Variants in CDH12 observed in about 807,000 individuals in gnomAD.
The protein encoded by CDH12 is cadherin 12, also known as cadherin-12.
CDH12 carries 41 observed loss-of-function variants against 74.1 expected under a neutral mutation model. The observed-to-expected ratio is 0.55, with a 90% confidence interval of 0.43 to 0.72. The LOEUF (loss-of-function observed/expected upper bound fraction) is 0.72, where lower values mean the gene tolerates loss of function less well. Ranked by LOEUF, CDH12 falls within the 30% of genes least tolerant of loss-of-function variation. CDH12 has a pLI of 0.00. For synonymous variants in CDH12, 399 were observed against 355.0 expected, an observed-to-expected ratio of 1.12 and a Z score of -1.39; for missense variants, 945 against 977.2, an observed-to-expected ratio of 0.97 and a Z score of 0.44.
chr5:22,092,670 T>C (rs1743504520), intron 4 of CDH12, among the ~76,000 whole-genome samples: 3 of 152,146 alleles, frequency 2.0e-5, no homozygotes. Flanking sequence ...TGGAGCTTTT[T>C]TGGATATTAT....
intron 1 of CDH12, among the ~76,000 whole-genome samples, chr5:22,755,783 G>C (rs1745864660): frequency 6.6e-6 from 1 of 151,744 alleles, no homozygotes; most frequent in African/African-American, 2.4e-5. Context: ...ATCTTTTCTT[G>C]GGTATATACT....
intron 5 of CDH12, among the ~76,000 whole-genome samples, chr5:22,049,724 G>A (rs1740218166): frequency 6.6e-6 from 1 of 152,118 alleles, no homozygotes; most frequent in Admixed American, 6.6e-5. Context: ...TAAAACCAGT[G>A]AGGTAACTGT....
intron 6 of CDH12, among the ~76,000 whole-genome samples, chr5:21,918,785 T>C (rs1754223313): frequency 6.6e-6 from 1 of 152,158 alleles, no homozygotes; most frequent in East Asian, 1.9e-4. Flanking sequence ...TTTGAAAACA[T>C]TTTTGGTATA....
chr5:21,943,428 G>C (rs1755429903), intron 6 of CDH12, among the ~76,000 whole-genome samples: 1 of 151,732 alleles, frequency 6.6e-6, no homozygotes. Context: ...TTTTTCCATG[G>C]AATAAGTATT....
intron 1 of CDH12, among the ~76,000 whole-genome samples, chr5:22,635,067 T>A (rs991742399): frequency 2.0e-5 from 3 of 152,080 alleles, no homozygotes; most frequent in African/African-American, 7.2e-5. Flanking sequence ...GAAACAAATT[T>A]AGAGGATTCA....
At chr5:22,705,134 C>T (rs73742180) in intron 1 of CDH12, among the ~76,000 whole-genome samples, 5,355 of 58,286 alleles carry the variant, frequency 0.092, 192 homozygotes, top group African/African-American at 0.19. Flanking sequence ...TATATATACA[C>T]ACACACACAC....
At chr5:22,838,231 A>T (rs981061177) in intron 1 of CDH12, among the ~76,000 whole-genome samples, 10 of 152,134 alleles carry the variant, frequency 6.6e-5, no homozygotes, top group African/African-American at 2.4e-4. Flanking sequence ...AGTTGTTCAA[A>T]GGGGGCAACA....
chr5:22,821,387 C>A (rs1286439685), intron 1 of CDH12, among the ~76,000 whole-genome samples: 1 of 151,994 alleles, frequency 6.6e-6, no homozygotes, highest in African/African-American at 2.4e-5. Context: ...CTGGCCAGGG[C>A]AATCAGGCAG....
At chr5:22,417,139 A>G (rs1476663848) in intron 2 of CDH12, among the ~76,000 whole-genome samples, 1 of 152,242 alleles carries the variant, frequency 6.6e-6, no homozygotes, top group Non-Finnish European at 1.5e-5. Context: ...ACAATAATAA[A>G]CCTACTAACT....
rs965905444 is a variant in CDH12, at chr5:22,273,952, A to G, written c.-332-61309T>C. Among the ~76,000 whole-genome samples the G allele has an allele frequency of 2.0e-5, 3 of 152,206 alleles. No homozygotes were observed. In the East Asian group the frequency reaches 5.8e-4, roughly 29 times the overall value. ...ATAATATAATCATGAGCATTTATCA[A>G]AAAAATCTACCTTGGACCTTTTTAA... is the stretch of plus-strand genomic sequence containing the variant. On this transcript the variant is annotated intron_variant, in intron 3 of 14. Coordinates refer to ENST00000382254, the MANE Select transcript of CDH12 (RefSeq NM_004061.5).
chr5:22,399,856 C>T (rs967346096), intron 3 of CDH12, among the ~76,000 whole-genome samples: 1 of 151,670 alleles, frequency 6.6e-6, no homozygotes, highest in South Asian at 2.1e-4. Flanking sequence ...TTTCTACCTA[C>T]TTGTATAGGA....
At chr5:22,391,306 T>C (rs1187671932) in intron 3 of CDH12, among the ~76,000 whole-genome samples, 1 of 152,148 alleles carries the variant, frequency 6.6e-6, no homozygotes, top group Admixed American at 6.5e-5. Flanking sequence ...AAAGGCAAGA[T>C]AAAATATAAA....
At chr5:22,001,265 C>A (rs1736585134) in intron 5 of CDH12, among the ~76,000 whole-genome samples, 1 of 152,088 alleles carries the variant, frequency 6.6e-6, no homozygotes, top group Non-Finnish European at 1.5e-5. Flanking sequence ...TGTTAATGAG[C>A]ATGACAGTCA....
intron 1 of CDH12, among the ~76,000 whole-genome samples, chr5:22,795,648 G>T (rs548677596): frequency 2.6e-5 from 4 of 151,092 alleles, no homozygotes; most frequent in Admixed American, 6.6e-5. Flanking sequence ...CATTAATTAT[G>T]GCTGAAGAGT....
intron 4 of CDH12, among the ~76,000 whole-genome samples, chr5:22,107,267 G>T (rs1431125456): frequency 6.6e-6 from 1 of 151,358 alleles, no homozygotes; most frequent in African/African-American, 2.4e-5. Context: ...GGAGAGCTGG[G>T]ATTATAGGCG....
At chr5:22,849,234 T>G (rs1737442791) in intron 1 of CDH12, among the ~76,000 whole-genome samples, 1 of 152,108 alleles carries the variant, frequency 6.6e-6, no homozygotes, top group Admixed American at 6.6e-5. Flanking sequence ...TTCAAAAAGT[T>G]AAATAACTTT....
chr5:22,230,834 C>T (rs1194045011), intron 3 of CDH12, among the ~76,000 whole-genome samples: 1 of 152,068 alleles, frequency 6.6e-6, no homozygotes, highest in Non-Finnish European at 1.5e-5. Flanking sequence ...CCCATCTCCT[C>T]TACTTCCTCC....
chr5:22,135,916 GC>G (rs1746432857), intron 4 of CDH12, among the ~76,000 whole-genome samples: 1 of 151,722 alleles, frequency 6.6e-6, no homozygotes, highest in African/African-American at 2.4e-5. Flanking sequence ...TTTTGCCCCT[GC>G]CCTCTTGACT....
At chr5:22,557,923 T>G (rs1738872678) in intron 1 of CDH12, among the ~76,000 whole-genome samples, 1 of 152,094 alleles carries the variant, frequency 6.6e-6, no homozygotes, top group Admixed American at 6.6e-5. Flanking sequence ...GTAAATATTT[T>G]TGTCCAAATT....
Sources: gnomAD v4.1 joint callset for allele counts (sites outside exome capture counted in the v4.1 genomes callset) on GRCh38, gnomAD v4.1.1 for gene constraint, MANE v1.5 for transcripts, NCBI Gene and HGNC (gene_info 2026-07-23, HGNC 2026-07-21) for gene names.